The following EYS variants were observed in gnomAD, a reference collection of about 807,000 sequenced individuals.
EYS encodes EGF-like photoreceptor maintenance factor, also known as protein eyes shut homolog.
EYS carries 250 observed loss-of-function variants against 282.1 expected under a neutral mutation model. The observed-to-expected ratio is 0.89, with a 90% CI of 0.80 to 0.98. The LOEUF is 0.98. Ranked by LOEUF, EYS falls within the 50% of genes least tolerant of loss-of-function variation. The probability of loss-of-function intolerance (pLI) is 0.00; values close to 1 mark genes in which losing one functional copy is unlikely to be tolerated. For missense variants in EYS, 4,016 were observed against 3,709.0 expected, an observed-to-expected ratio of 1.08 and a Z score of -2.15; for synonymous variants, 1,355 against 1,282.9, an observed-to-expected ratio of 1.06 and a Z score of -1.20.
chr6:65,507,914 C>A (rs1429111522), intron 2 of EYS, among the ~76,000 whole-genome samples: 3 of 152,100 alleles, frequency 2.0e-5, no homozygotes, highest in Admixed American at 1.3e-4. Context: ...TTTACAACAT[C>A]CTCGTGATGT....
At position 65,405,366 on chromosome 6, in the gene EYS, ACCTTAAAAAAATCACACACAAG is replaced by A; in HGVS notation, c.863-21_863del. ...GTTTTGCTGACACCTCACAGAATGG[ACCTTAAAAAAATCACACACAAG>A]AAAAAAAAAGAAAAGGAAGGAAGGA... On this transcript the variant is annotated splice_acceptor_variant and splice_polypyrimidine_tract_variant and coding_sequence_variant and intron_variant, in exon 6 of 43. Transcript: ENST00000503581. LOFTEE classifies it high-confidence loss of function. 6.3e-7 allele frequency: 1 copy of A among 1,599,310 alleles called. No homozygotes were observed. The highest frequency in any genetic ancestry group is 8.5e-7 in the Non-Finnish European group (1 of 1,174,088).
intron 31 of EYS, among the ~76,000 whole-genome samples, chr6:64,130,950 C>A (rs535187803): frequency 6.6e-6 from 1 of 152,170 alleles, no homozygotes; most frequent in Non-Finnish European, 1.5e-5. Flanking sequence ...TCATTGCAAC[C>A]TCCGCCTCCT....
At chr6:65,034,543 A>G (rs958124546) in intron 13 of EYS, among the ~76,000 whole-genome samples, 4 of 151,960 alleles carry the variant, frequency 2.6e-5, no homozygotes, top group African/African-American at 9.7e-5. Context: ...TGGTCATTTA[A>G]AAGTGTGTGG....
At chr6:65,299,250 T>G (rs1217001028) in intron 11 of EYS, among the ~76,000 whole-genome samples, 1 of 152,184 alleles carries the variant, frequency 6.6e-6, no homozygotes, top group Non-Finnish European at 1.5e-5. Flanking sequence ...TTTGCAAAGT[T>G]ACTGGTCATT....
At chr6:64,438,653 G>A (rs1479141896) in intron 27 of EYS, among the ~76,000 whole-genome samples, 8 of 139,254 alleles carry the variant, frequency 5.7e-5, no homozygotes, top group Non-Finnish European at 1.1e-4. Context: ...TGAAAATAAG[G>A]AGAAAAAAAG....
intron 35 of EYS, among the ~76,000 whole-genome samples, chr6:63,921,189 C>A (rs962702353): frequency 1.3e-5 from 2 of 152,218 alleles, no homozygotes; most frequent in African/African-American, 4.8e-5. Flanking sequence ...AGCCACCGCG[C>A]CGGCCATGGG....
chr6:64,211,573 AT>A (rs962375462), intron 31 of EYS, among the ~76,000 whole-genome samples: 2,984 of 137,666 alleles, frequency 0.022, 54 homozygotes, highest in East Asian at 0.066. Context: ...ATATATATAT[AT>A]TTTTTTTCAT....
chr6:64,105,244 T>C (rs960594407), intron 31 of EYS, among the ~76,000 whole-genome samples: 1 of 152,100 alleles, frequency 6.6e-6, no homozygotes, highest in Non-Finnish European at 1.5e-5. Context: ...TTATTGAACA[T>C]CGCTACGTGC....
At chr6:64,482,344 T>C (rs1330634636) in intron 26 of EYS, among the ~76,000 whole-genome samples, 1 of 151,712 alleles carries the variant, frequency 6.6e-6, no homozygotes, top group African/African-American at 2.4e-5. Context: ...AGTTTATTTA[T>C]AATTAGGTAG....
At chr6:63,911,638 A>G (rs983595611) in intron 35 of EYS, among the ~76,000 whole-genome samples, 3 of 152,232 alleles carry the variant, frequency 2.0e-5, no homozygotes, top group African/African-American at 4.8e-5. Flanking sequence ...ATTCCTTGTT[A>G]GATATTATGG....
At chr6:63,741,422 G>A (rs1275451666) in intron 41 of EYS, among the ~76,000 whole-genome samples, 7 of 152,156 alleles carry the variant, frequency 4.6e-5, no homozygotes, top group Admixed American at 4.6e-4. Context: ...ACAATATTTT[G>A]AGTAAAGATA....
In EYS at chr6:65,330,212, T is replaced by C. The variant is rs1769746196; in HGVS notation, c.1766+4768A>G. 6 of 964,656 alleles carry C rather than the reference T, an allele frequency of 6.2e-6. No individual in the cohort carries two copies. In the East Asian group the frequency reaches 4.6e-4, roughly 74 times the overall value. The allele number at this position is 964,656 out of a possible 1,614,324, so 59.8% of individuals were successfully genotyped here. A position where few individuals can be genotyped will look rare whatever the true frequency, so the allele number is the denominator to read the frequency against. ...GTACATTACCTGGGGACAGGTATCA[T>C]GTCTCATTGTCATAACATTTTGAAA... On this transcript the variant is annotated intron_variant, in intron 11 of 42. Coordinates refer to ENST00000503581, the MANE Select transcript of EYS (RefSeq NM_001142800.2).
At chr6:64,701,367 T>C (rs1770782009) in intron 22 of EYS, among the ~76,000 whole-genome samples, 1 of 152,024 alleles carries the variant, frequency 6.6e-6, no homozygotes, top group Non-Finnish European at 1.5e-5. Context: ...AGACTTAAAC[T>C]AAAATAATCA....
intron 41 of EYS, among the ~76,000 whole-genome samples, chr6:63,752,980 G>A (rs1769378101): frequency 6.6e-6 from 1 of 151,584 alleles, no homozygotes; most frequent in African/African-American, 2.4e-5. Flanking sequence ...GCAGTCGTTT[G>A]TCATGTTTTA....
intron 1 of EYS, among the ~76,000 whole-genome samples, chr6:65,662,681 G>A (rs981389507): frequency 1.3e-5 from 2 of 152,148 alleles, no homozygotes; most frequent in African/African-American, 4.8e-5. Context: ...AAGGCAGCAT[G>A]TCAAGAACCA....
chr6:65,071,282 T>A (rs1338779993), intron 12 of EYS, among the ~76,000 whole-genome samples: 1 of 151,908 alleles, frequency 6.6e-6, no homozygotes, highest in African/African-American at 2.4e-5. Context: ...AAGAAAGTTG[T>A]TAGTATATAA....
chr6:64,681,276 G>T (rs907811712), intron 22 of EYS, among the ~76,000 whole-genome samples: 1 of 152,172 alleles, frequency 6.6e-6, no homozygotes, highest in Non-Finnish European at 1.5e-5. Context: ...CTAGTGAGTA[G>T]AATTTTTTAT....
intron 12 of EYS, among the ~76,000 whole-genome samples, chr6:65,251,720 CAT>C (rs1399747062): frequency 1.3e-5 from 2 of 151,866 alleles, no homozygotes; most frequent in East Asian, 3.9e-4. Context: ...CTCAAATATC[CAT>C]AGTCTGAACG....
chr6:65,587,252 A>G (rs1312293782), intron 2 of EYS, among the ~76,000 whole-genome samples: 9 of 152,060 alleles, frequency 5.9e-5, no homozygotes, highest in Non-Finnish European at 1.0e-4. Flanking sequence ...GCCGAAGAGA[A>G]CTAACAAAGC....
Sources: allele counts gnomAD v4.1 joint callset (sites outside exome capture counted in the v4.1 genomes callset), GRCh38; gene constraint gnomAD v4.1.1; transcripts MANE v1.5; gene names NCBI Gene and HGNC (gene_info 2026-07-23, HGNC 2026-07-21).